PFKFB3: variants seen among roughly 807,000 people sequenced by gnomAD.
PFKFB3 encodes 6-phosphofructo-2-kinase/fructose-2,6-bisphosphatase 3.
PFKFB3 carries 33 observed loss-of-function variants against 68.0 expected under a neutral mutation model. That is an observed-to-expected ratio of 0.49 (90% CI 0.37 to 0.65). The LOEUF (loss-of-function observed/expected upper bound fraction) is 0.65. PFKFB3 is among the 30% of genes least tolerant of loss of function. PFKFB3 has a pLI of 0.00. For missense variants in PFKFB3, 586 were observed against 712.2 expected (o/e 0.82, Z 2.02); for synonymous variants, 315 against 288.2 (o/e 1.09, Z -0.94).
chr10:6,237,022 C>T (rs896606233), downstream of PFKFB3, among the ~76,000 whole-genome samples: 18 of 152,228 alleles, frequency 1.2e-4, no homozygotes, highest in Admixed American at 4.6e-4. Flanking sequence ...CCCTTAGCTC[C>T]GGCCACACTG....
At chr10:6,287,729 G>C in the PFKFB3 span, among the ~76,000 whole-genome samples, 1 of 152,060 alleles carries the variant, frequency 6.6e-6, no homozygotes, top group East Asian at 1.9e-4. Flanking sequence ...TATGATTGCT[G>C]TCATTAATTT....
At chr10:6,322,295 C>T in the PFKFB3 span, among the ~76,000 whole-genome samples, 4 of 152,132 alleles carry the variant, frequency 2.6e-5, no homozygotes, top group Non-Finnish European at 4.4e-5. Context: ...CGGCATTCGG[C>T]GACCTCCATG....
chr10:6,315,570 G>A, the PFKFB3 span, among the ~76,000 whole-genome samples: 18 of 152,212 alleles, frequency 1.2e-4, no homozygotes, highest in Admixed American at 6.5e-4. Flanking sequence ...TGCAGCCTCC[G>A]CCTCCTGGGT....
downstream of PFKFB3, among the ~76,000 whole-genome samples, chr10:6,255,478 G>T (rs1162306586): frequency 6.6e-6 from 1 of 152,202 alleles, no homozygotes; most frequent in African/African-American, 2.4e-5. Flanking sequence ...TAATACATTT[G>T]TTTTTTAATT....
intron 4 of PFKFB3, among the ~76,000 whole-genome samples, 177 bp from the exon 5 acceptor site, chr10:6,216,529 C>T (rs575126516): frequency 9.2e-5 from 14 of 152,284 alleles, no homozygotes; most frequent in African/African-American, 2.6e-4. Flanking sequence ...TTGGTAGTTG[C>T]GGGAGGCCTG....
intron 6 of PFKFB3, among the ~76,000 whole-genome samples, chr10:6,218,169 G>A (rs886244641): frequency 6.6e-6 from 1 of 152,186 alleles, no homozygotes; most frequent in Non-Finnish European, 1.5e-5. Context: ...AGACAGCAGG[G>A]TGCAGCTGTG....
the PFKFB3 span, among the ~76,000 whole-genome samples, chr10:6,261,306 C>T: frequency 7.4e-4 from 112 of 152,332 alleles, no homozygotes; most frequent in Non-Finnish European, 1.0e-3. Flanking sequence ...TAGCAAATGG[C>T]TTTTCCTAAT....
At position 6,154,537 on chromosome 10, in the gene PFKFB3, C is replaced by T. The variant is rs760911428; in HGVS notation, c.16+9524C>T. ...TGCTGGGATCATAGGCGCGAGCCAC[C>T]GCGCCTGGTGGGCTGAATTAACGTG... On this transcript the variant is annotated intron_variant, in intron 1 of 14. Coordinates refer to the PFKFB3 transcript ENST00000379789. This position sits in a 1 kb window ranked among gnomAD's most constrained non-coding sequence, Gnocchi z 4.6. 3.3e-5 allele frequency among the ~76,000 whole-genome samples: 5 copies of T among 152,170 alleles called. No individual in the cohort carries two copies. The highest frequency in any genetic ancestry group is 1.3e-4 in the Admixed American group (2 of 15,278).
chr10:6,180,435 A>C (rs1022964038), intron 1 of PFKFB3, among the ~76,000 whole-genome samples: 5 of 152,130 alleles, frequency 3.3e-5, no homozygotes, highest in Non-Finnish European at 7.4e-5. Context: ...ATTTTCTTCA[A>C]GTTTTTTCTT....
At position 6,215,351 on chromosome 10, in the gene PFKFB3, T is replaced by TGGGAATAAGGCTGGGCCGC. The variant is rs1234389996; in HGVS notation, c.299+38_299+56dup. 1 of 1,535,910 alleles carries TGGGAATAAGGCTGGGCCGC rather than the reference T, an allele frequency of 6.5e-7. No homozygotes were observed. Among genetic ancestry groups the TGGGAATAAGGCTGGGCCGC allele is most frequent in the Non-Finnish European group, 9.0e-7 (1 of 1,111,656 alleles). On this transcript the variant is annotated intron_variant, in intron 3 of 14. Transcript: ENST00000379775. The surrounding 1 kb of genome is among the most constrained non-coding windows in gnomAD (Gnocchi z 4.3). ...GGGCCGCGGGCGTAGGGCTGGGCTG[T>TGGGAATAAGGCTGGGCCGC]GGGAATAAGGCTGGGCCGCGGGCAT...
chr10:6,222,708 C>T (rs949204893), intron 10 of PFKFB3, 147 bp from the exon 11 acceptor site: 15 of 832,510 alleles, frequency 1.8e-5, no homozygotes, highest in Admixed American at 6.2e-5. Flanking sequence ...CAATAGTCCA[C>T]GTTAAACCCT....
At chr10:6,297,553 G>A in the PFKFB3 span, among the ~76,000 whole-genome samples, 1 of 152,054 alleles carries the variant, frequency 6.6e-6, no homozygotes, top group Non-Finnish European at 1.5e-5. Context: ...GGTAGGGACA[G>A]GTAAGGAAGC....
chr10:6,297,317 A>G, the PFKFB3 span, among the ~76,000 whole-genome samples: 5 of 152,176 alleles, frequency 3.3e-5, no homozygotes, highest in Non-Finnish European at 7.4e-5. Context: ...AGAAAAGGGA[A>G]CATGCCACTT....
At chr10:6,230,185 T>C (rs1392740615) in intron 14 of PFKFB3, among the ~76,000 whole-genome samples, 1 of 152,182 alleles carries the variant, frequency 6.6e-6, no homozygotes, top group African/African-American at 2.4e-5. Flanking sequence ...ATACATCCGA[T>C]GGACCCATCA....
At chr10:6,145,872 C>G (rs1054180131) in intron 1 of PFKFB3, among the ~76,000 whole-genome samples, 1 of 152,198 alleles carries the variant, frequency 6.6e-6, no homozygotes, top group African/African-American at 2.4e-5. Flanking sequence ...CCCAGCGCAC[C>G]GGACCCCGGT....
At chr10:6,225,849 C>A (rs899655771) in intron 13 of PFKFB3, among the ~76,000 whole-genome samples, 5 of 152,216 alleles carry the variant, frequency 3.3e-5, no homozygotes, top group Non-Finnish European at 5.9e-5. Context: ...CTCCTCAGCT[C>A]TCAAGAGAGG....
At chr10:6,284,059 G>A in the PFKFB3 span, among the ~76,000 whole-genome samples, 2 of 152,190 alleles carry the variant, frequency 1.3e-5, no homozygotes, top group South Asian at 4.1e-4. Flanking sequence ...CGAAAATCCA[G>A]TGCTTCAGCG....
At position 6,217,186 on chromosome 10, in the gene PFKFB3, A is replaced by G. The variant is rs776918283; in HGVS notation, c.493A>G (p.Ile165Val). ...CDDPTVVASN[I>V]MEVKISSPDY... ...CGACCCTACAGTTGTGGCCTCCAAT[A>G]TCATGGTAAGACAGCCGGGAGCCCC... Residue 165 changes from isoleucine (I) to valine (V), a missense_variant, in exon 6 of 15, where the codon ATC becomes GTC. Coordinates refer to ENST00000379775, the MANE Select transcript of PFKFB3 (RefSeq NM_004566.4). 1 of 1,613,852 alleles carries G rather than the reference A, an allele frequency of 6.2e-7. No homozygotes were observed. The highest frequency in any genetic ancestry group is 1.7e-5 in the Admixed American group (1 of 60,000).
At chr10:6,173,964 C>T (rs1358274197) in intron 1 of PFKFB3, among the ~76,000 whole-genome samples, 1 of 151,882 alleles carries the variant, frequency 6.6e-6, no homozygotes, top group African/African-American at 2.4e-5. Flanking sequence ...GGTCCAGGTG[C>T]GGCATTTAGA....
Sources: gnomAD v4.1 joint callset for allele counts (sites outside exome capture counted in the v4.1 genomes callset) on GRCh38, gnomAD v4.1.1 for gene constraint, Gnocchi (gnomAD v3.1) non-coding constraint, MANE v1.5 for transcripts, NCBI Gene and HGNC (gene_info 2026-07-23, HGNC 2026-07-21) for gene names.